Variants in ADK observed in about 807,000 individuals in gnomAD.
ADK encodes the protein N6,N6-dimethyladenosine kinase.
In ADK, 24 loss-of-function variants were observed where a neutral mutation model predicts 44.7. The observed-to-expected ratio is 0.54, with a 90% confidence interval of 0.39 to 0.76. The LOEUF (loss-of-function observed/expected upper bound fraction) is 0.76, where lower values mean the gene tolerates loss of function less well. ADK is among the 30% of genes least tolerant of loss of function. ADK has a pLI of 0.00. For synonymous variants in ADK, 128 were observed against 142.6 expected (o/e 0.90, Z 0.73); for missense variants, 321 against 425.1 (o/e 0.76, Z 2.15).
At chr10:74,184,603 T>TG (rs1474266649) in intron 1 of ADK, among the ~76,000 whole-genome samples, 2 of 151,658 alleles carry the variant, frequency 1.3e-5, no homozygotes, top group Non-Finnish European at 2.9e-5. Context: ...TTGAACCTCC[T>TG]GGCCTCAAAC....
chr10:74,277,195 G>A (rs563917590), intron 3 of ADK, among the ~76,000 whole-genome samples: 1 of 152,230 alleles, frequency 6.6e-6, no homozygotes, highest in South Asian at 2.1e-4. Context: ...TGGGATTACA[G>A]GCATGAGCCA....
intron 1 of ADK, among the ~76,000 whole-genome samples, chr10:74,157,308 G>A (rs1841775714): frequency 6.6e-6 from 1 of 151,802 alleles, no homozygotes; most frequent in Admixed American, 6.6e-5. Context: ...GTTACCAAGA[G>A]ATAAATTCAC....
chr10:74,288,170 G>A (rs760728416), intron 3 of ADK, among the ~76,000 whole-genome samples: 3 of 152,054 alleles, frequency 2.0e-5, no homozygotes, highest in Non-Finnish European at 4.4e-5. Context: ...AATTAATGCG[G>A]AAGGTTTGGC....
chr10:74,163,827 C>T (rs1443887716), intron 1 of ADK, among the ~76,000 whole-genome samples: 1 of 152,188 alleles, frequency 6.6e-6, no homozygotes, highest in Non-Finnish European at 1.5e-5. Context: ...TGTCTTTGAA[C>T]TTAACCACAT....
intron 3 of ADK, among the ~76,000 whole-genome samples, chr10:74,298,791 G>A (rs1168146416): frequency 6.6e-6 from 1 of 151,842 alleles, no homozygotes; most frequent in Non-Finnish European, 1.5e-5. Flanking sequence ...CAGAATTGAG[G>A]ACATTAGCCA....
At chr10:74,597,690 T>C (rs1851969888) in intron 8 of ADK, among the ~76,000 whole-genome samples, 1 of 152,202 alleles carries the variant, frequency 6.6e-6, no homozygotes, top group African/African-American at 2.4e-5. Flanking sequence ...TGGTGCATCA[T>C]ATCAGGGAGG....
At chr10:74,526,351 G>C (rs1299272559) in intron 7 of ADK, among the ~76,000 whole-genome samples, 1 of 152,008 alleles carries the variant, frequency 6.6e-6, no homozygotes, top group East Asian at 1.9e-4. Context: ...TTGATTGCTT[G>C]TTTACTGTTT....
At chr10:74,600,756 C>G (rs1398187330) in intron 9 of ADK, among the ~76,000 whole-genome samples, 3 of 151,680 alleles carry the variant, frequency 2.0e-5, no homozygotes, top group Admixed American at 6.6e-5. Context: ...TTTTGTCAAT[C>G]AAGAAATATC....
rs186270275 is a variant in ADK at position 74,334,768 on chromosome 10, G to C, written c.273+20023G>C. On this transcript the variant is annotated intron_variant, in intron 4 of 10. Transcript: ENST00000539909. ...GAGGTTTTCCTGGCAGGCTTCATAGGGGGAGGGCTGGTCTCCAGAGCAGAC... is the reference window on the plus strand; with the variant it reads ...GAGGTTTTCCTGGCAGGCTTCATAGCGGGAGGGCTGGTCTCCAGAGCAGAC... Among the ~76,000 whole-genome samples the C allele has an allele frequency of 6.0e-4, 92 of 152,190 alleles. No homozygotes were observed. In the Middle Eastern group the frequency reaches 0.014, roughly 23 times the overall value.
chr10:74,240,372 T>TTGTGTGTGTGTG (rs142465407), intron 3 of ADK, among the ~76,000 whole-genome samples: 16,170 of 147,108 alleles, frequency 0.11, 914 homozygotes, highest in Middle Eastern at 0.15. Flanking sequence ...TCCTTTTATT[T>TTGTGTGTGTGTG]TGTGTGTGTG....
At chr10:74,653,540 C>T (rs1043086225) in intron 9 of ADK, among the ~76,000 whole-genome samples, 1 of 151,984 alleles carries the variant, frequency 6.6e-6, no homozygotes, top group Admixed American at 6.6e-5. Context: ...AGCTTCTATT[C>T]GTAAAGAATG....
chr10:74,198,640 A>G (rs1843250157), intron 1 of ADK, among the ~76,000 whole-genome samples: 1 of 152,286 alleles, frequency 6.6e-6, no homozygotes, highest in African/African-American at 2.4e-5. Flanking sequence ...TTTTTGGATA[A>G]ACTAGATGAA....
chr10:74,314,640 C>T, intron 3 of ADK, 27 bp from the exon 4 acceptor site: 1 of 1,564,478 alleles, frequency 6.4e-7, no homozygotes, highest in East Asian at 2.2e-5. Context: ...AGGTAACTTA[C>T]TTTTTTCTAC....
intron 6 of ADK, among the ~76,000 whole-genome samples, chr10:74,479,348 C>T (rs963638168): frequency 3.3e-5 from 5 of 150,842 alleles, no homozygotes; most frequent in Non-Finnish European, 5.9e-5. Flanking sequence ...TTCCCACTGG[C>T]CTGGTTTATC....
At position 74,708,405 on chromosome 10, in the gene ADK, G is replaced by T; in HGVS notation, c.1049G>T (p.Arg350Leu). ...GHYAASIIIR[R>L]TGCTFPEKPD... ...TATGCAGCAAGCATCATAATTAGAC[G>T]GACTGGCTGCACCTTTCCTGAGAAG... The change falls in exon 11 of 11, where the codon CGG (arginine) becomes CTG (leucine). Residue 350 changes from arginine to leucine, a missense_variant. Physicochemically the swap from Arg to Leu is moderately radical, Grantham distance 102 (BLOSUM62 -2). Coordinates refer to ENST00000539909, the MANE Select transcript of ADK (RefSeq NM_006721.4). The T allele has an allele frequency of 1.2e-6, 2 of 1,612,316 alleles. No homozygotes were observed. Among genetic ancestry groups the T allele is most frequent in the South Asian group, 1.1e-5 (1 of 91,048 alleles).
chr10:74,213,530 AAAAG>A (rs1310470310), intron 2 of ADK, among the ~76,000 whole-genome samples: 1 of 106,170 alleles, frequency 9.4e-6, no homozygotes, highest in Non-Finnish European at 2.4e-5. Flanking sequence ...TTTCTAAAAA[AAAAG>A]AAAGAGTAAA....
At chr10:74,668,273 T>C (rs1855039655) in intron 9 of ADK, among the ~76,000 whole-genome samples, 1 of 152,214 alleles carries the variant, frequency 6.6e-6, no homozygotes, top group South Asian at 2.1e-4. Flanking sequence ...CTTTCCTGAG[T>C]ATTTCTAATA....
At chr10:74,568,280 T>G (rs1422948428) in intron 7 of ADK, among the ~76,000 whole-genome samples, 1 of 152,216 alleles carries the variant, frequency 6.6e-6, no homozygotes, top group Non-Finnish European at 1.5e-5. Flanking sequence ...ATGTATTATA[T>G]TCTGACTTTA....
chr10:74,669,464 C>G (rs1484640562), intron 9 of ADK, among the ~76,000 whole-genome samples: 1 of 152,212 alleles, frequency 6.6e-6, no homozygotes, highest in African/African-American at 2.4e-5. Context: ...TTAGGTTACT[C>G]TGTAGTCAAA....
Sources: gnomAD v4.1 joint callset for allele counts (sites outside exome capture counted in the v4.1 genomes callset) on GRCh38, gnomAD v4.1.1 for gene constraint, MANE v1.5 for transcripts, NCBI Gene and HGNC (gene_info 2026-07-23, HGNC 2026-07-21) for gene names.